The following ADAM12 variants were observed in gnomAD, a reference collection of about 807,000 sequenced individuals.
The protein encoded by ADAM12 is disintegrin and metalloproteinase domain-containing protein 12.
A neutral mutation model predicts 106.4 loss-of-function variants in ADAM12; 70 were observed. That is an observed-to-expected ratio of 0.66 (90% CI 0.54 to 0.80). ADAM12 has a LOEUF of 0.80. Ranked by LOEUF, ADAM12 falls within the 30% of genes least tolerant of loss-of-function variation. ADAM12 has a pLI of 0.00. For synonymous variants in ADAM12, 420 were observed against 433.5 expected (o/e 0.97, Z 0.39); for missense variants, 1,010 against 1,171.9 (o/e 0.86, Z 2.02).
chr10:126,334,415 A>T (rs1854623355), intron 1 of ADAM12, among the ~76,000 whole-genome samples: 1 of 152,158 alleles, frequency 6.6e-6, no homozygotes, highest in Non-Finnish European at 1.5e-5. Context: ...CAGTTTTGAT[A>T]AAATGGCCAG....
chr10:126,280,488 C>CCA (rs1179220185), intron 2 of ADAM12, among the ~76,000 whole-genome samples: 1 of 152,188 alleles, frequency 6.6e-6, no homozygotes, highest in Non-Finnish European at 1.5e-5. Context: ...CAGGTGGCTA[C>CCA]CACTGTGGGA....
intron 3 of ADAM12, among the ~76,000 whole-genome samples, chr10:126,191,945 G>A (rs537847947): frequency 3.3e-5 from 5 of 152,268 alleles, no homozygotes; most frequent in African/African-American, 1.2e-4. Context: ...AAGCAGGCAC[G>A]TCTTACATGG....
chr10:126,251,088 G>A (rs1958736331), intron 3 of ADAM12, among the ~76,000 whole-genome samples: 1 of 152,166 alleles, frequency 6.6e-6, no homozygotes, highest in South Asian at 2.1e-4. Context: ...ACATCAAAGT[G>A]GCTTGTTCTC....
chr10:126,190,405 C>G (rs919668525), intron 3 of ADAM12, among the ~76,000 whole-genome samples: 1 of 152,016 alleles, frequency 6.6e-6, no homozygotes, highest in Non-Finnish European at 1.5e-5. Flanking sequence ...TGGGTTTCAC[C>G]ATGTTGGCCA....
intron 18 of ADAM12, 127 bp downstream of exon 18, chr10:126,042,913 G>A (rs1398050283): frequency 1.2e-6 from 1 of 833,616 alleles, no homozygotes; most frequent in African/African-American, 1.7e-5. Flanking sequence ...CCTAGGCTGT[G>A]TAGACCCATG....
rs1422290052 is a variant in ADAM12, at chr10:126,014,156, T to G, written c.*3123A>C. 6.6e-6 allele frequency: 1 copy of G among 152,636 alleles called. No homozygotes were observed. Among genetic ancestry groups the G allele is most frequent in the Non-Finnish European group, 1.5e-5 (1 of 68,430 alleles). 9.5% of individuals were successfully genotyped at this position (152,636 alleles called of 1,614,324 possible). On this transcript the variant is annotated 3_prime_UTR_variant, in exon 23 of 23. Coordinates refer to ENST00000448723, the MANE Select transcript of ADAM12 (RefSeq NM_001288973.2). ...CCCTGGCGCCACCTTGTGCCCTTTC[T>G]GCTGCTGGGGGTCTCATTGGCTCAG...
chr10:126,087,658 G>A (rs1464774367), intron 11 of ADAM12, among the ~76,000 whole-genome samples: 1 of 152,144 alleles, frequency 6.6e-6, no homozygotes, highest in Non-Finnish European at 1.5e-5. Context: ...CATGACAAAT[G>A]TATTTCATAA....
intron 3 of ADAM12, among the ~76,000 whole-genome samples, chr10:126,219,926 C>T (rs1958057465): frequency 6.6e-6 from 1 of 152,186 alleles, no homozygotes; most frequent in African/African-American, 2.4e-5. Context: ...TTTGTCCAAA[C>T]AAGGCCACTG....
At chr10:126,116,476 A>G (rs1214178993) in intron 6 of ADAM12, among the ~76,000 whole-genome samples, 4 of 152,022 alleles carry the variant, frequency 2.6e-5, no homozygotes, top group South Asian at 2.1e-4. Flanking sequence ...TGCGGGGAGA[A>G]GCACAAGTTG....
intron 11 of ADAM12, among the ~76,000 whole-genome samples, chr10:126,090,153 G>T (rs1007459622): frequency 2.0e-5 from 3 of 151,878 alleles, no homozygotes; most frequent in African/African-American, 7.3e-5. Flanking sequence ...CCAGTTCCAA[G>T]AGGGCAAGAA....
At chr10:126,384,747 G>A (rs562570179) in intron 1 of ADAM12, among the ~76,000 whole-genome samples, 43 of 152,312 alleles carry the variant, frequency 2.8e-4, no homozygotes, top group African/African-American at 9.1e-4. Flanking sequence ...TCTCAGTACC[G>A]AATGTTTCAC....
chr10:126,052,517 T>A (rs1188138752), intron 14 of ADAM12, among the ~76,000 whole-genome samples: 1 of 152,260 alleles, frequency 6.6e-6, no homozygotes, highest in East Asian at 1.9e-4. Flanking sequence ...GTATGTCAGT[T>A]GATACATTTG....
At chr10:126,252,696 C>G (rs1463887515) in intron 3 of ADAM12, among the ~76,000 whole-genome samples, 1 of 152,054 alleles carries the variant, frequency 6.6e-6, no homozygotes, top group Admixed American at 6.5e-5. Flanking sequence ...ACTCAGTTCA[C>G]CAATTCAAAT....
intron 1 of ADAM12, among the ~76,000 whole-genome samples, chr10:126,362,180 G>GA (rs1241974075): frequency 6.6e-6 from 1 of 151,856 alleles, no homozygotes; most frequent in African/African-American, 2.4e-5. Context: ...ACAGATATAT[G>GA]AAAAAAAGTC....
intron 21 of ADAM12, among the ~76,000 whole-genome samples, chr10:126,035,450 T>A (rs551649538): frequency 6.6e-6 from 1 of 151,936 alleles, no homozygotes; most frequent in Non-Finnish European, 1.5e-5. Flanking sequence ...ATGGGACTAA[T>A]TTTTAAGGCA....
intron 14 of ADAM12, among the ~76,000 whole-genome samples, chr10:126,058,248 C>T (rs933013398): frequency 5.9e-5 from 9 of 152,230 alleles, no homozygotes; most frequent in African/African-American, 9.6e-5. Flanking sequence ...GATGCTGCCT[C>T]GGGCCAGCGC....
chr10:126,355,978 G>C (rs1159003228), intron 1 of ADAM12, among the ~76,000 whole-genome samples: 1 of 152,178 alleles, frequency 6.6e-6, no homozygotes, highest in Non-Finnish European at 1.5e-5. Context: ...TCTACTTGAA[G>C]GCTCCACCTG....
At position 126,012,582 on chromosome 10, in the gene ADAM12, CT is replaced by C. The variant is rs1953588829; in HGVS notation, c.*4696del. 1 of 152,182 alleles carries C rather than the reference CT, an allele frequency of 6.6e-6. No homozygotes were observed. Among genetic ancestry groups the C allele is most frequent in the Non-Finnish European group, 1.5e-5 (1 of 68,032 alleles). 9.4% of individuals were successfully genotyped at this position (152,182 alleles called of 1,614,324 possible). ...AAATGGATGAAGCACTATAAAATTA[CT>C]TTGCTGTTTACGTAACTGTATCTTT... On this transcript the variant is annotated 3_prime_UTR_variant, in exon 23 of 23. Coordinates refer to ENST00000448723, the MANE Select transcript of ADAM12 (RefSeq NM_001288973.2).
intron 3 of ADAM12, among the ~76,000 whole-genome samples, chr10:126,196,349 G>T (rs1052491739): frequency 6.6e-6 from 1 of 152,202 alleles, no homozygotes; most frequent in Non-Finnish European, 1.5e-5. Flanking sequence ...ATGTGAGCTA[G>T]CAGGCTTCTC....
Sources: gnomAD v4.1 joint callset for allele counts (sites outside exome capture counted in the v4.1 genomes callset) on GRCh38, gnomAD v4.1.1 for gene constraint, MANE v1.5 for transcripts, NCBI Gene and HGNC (gene_info 2026-07-23, HGNC 2026-07-21) for gene names.